The following COG5 variants were observed in gnomAD, a reference collection of about 807,000 sequenced individuals.
The protein encoded by COG5 is conserved oligomeric Golgi complex subunit 5.
In COG5, 86 loss-of-function variants were observed where a neutral mutation model predicts 110.4. The observed-to-expected ratio is 0.78, with a 90% CI of 0.65 to 0.93. The LOEUF is 0.93. COG5 is among the 40% of genes least tolerant of loss of function. The pLI, the probability that COG5 is intolerant of heterozygous loss-of-function variation, is 0.00. For synonymous variants in COG5, 360 were observed against 334.6 expected, an observed-to-expected ratio of 1.08 and a Z score of -0.83; for missense variants, 1,077 against 987.0, an observed-to-expected ratio of 1.09 and a Z score of -1.22.
intron 12 of COG5, among the ~76,000 whole-genome samples, chr7:107,292,868 G>A (rs1352165334): frequency 6.6e-6 from 1 of 152,174 alleles, no homozygotes; most frequent in Non-Finnish European, 1.5e-5. Flanking sequence ...TATGTCTTTA[G>A]ATAAATGCAC....
intron 6 of COG5, among the ~76,000 whole-genome samples, chr7:107,524,042 T>A (rs970819136): frequency 1.3e-5 from 2 of 152,180 alleles, no homozygotes; most frequent in African/African-American, 4.8e-5. Flanking sequence ...CAACTGTCCA[T>A]CAGCATGTAA....
intron 6 of COG5, among the ~76,000 whole-genome samples, chr7:107,520,920 C>T (rs917792508): frequency 2.0e-5 from 3 of 152,184 alleles, no homozygotes; most frequent in Non-Finnish European, 4.4e-5. Context: ...GTAACCAAAA[C>T]AGCATGGTCC....
chr7:107,520,858 C>G (rs995523235), intron 6 of COG5, among the ~76,000 whole-genome samples: 1 of 152,066 alleles, frequency 6.6e-6, no homozygotes, highest in Non-Finnish European at 1.5e-5. Flanking sequence ...GCAAAAGGAA[C>G]AAAACTGGAG....
intron 6 of COG5, among the ~76,000 whole-genome samples, chr7:107,518,706 T>C (rs1036521982): frequency 8.5e-5 from 13 of 152,112 alleles, no homozygotes; most frequent in African/African-American, 3.1e-4. Context: ...CACACAGTAA[T>C]AGTGGGAGAC....
rs1046735431 is a variant in COG5 at position 107,342,940 on chromosome 7, C to T, written c.1027-18419G>A. 6.6e-5 allele frequency among the ~76,000 whole-genome samples: 10 copies of T among 152,172 alleles called. No individual in the cohort carries two copies. The South Asian group carries it at 8.3e-4, about 13-fold the overall frequency. ...CTTGTATGTTCATCATAGTGCTATT[C>T]GCAATAGCAAAGACAGAGAATCAAC... On this transcript the variant is annotated intron_variant, in intron 10 of 21. Coordinates refer to ENST00000297135, the MANE Select transcript of COG5 (RefSeq NM_006348.5).
At chr7:107,506,078 T>C (rs1798974031) in intron 6 of COG5, among the ~76,000 whole-genome samples, 1 of 152,186 alleles carries the variant, frequency 6.6e-6, no homozygotes, top group East Asian at 1.9e-4. Flanking sequence ...GAAAAGGTTA[T>C]GTGGACAGAC....
chr7:107,270,628 T>TACACACACAC (rs112944834), intron 14 of COG5, among the ~76,000 whole-genome samples: 12 of 150,712 alleles, frequency 8.0e-5, no homozygotes, highest in African/African-American at 2.9e-4. Context: ...AAAGATGTTA[T>TACACACACAC]ACACACACAC....
intron 19 of COG5, among the ~76,000 whole-genome samples, chr7:107,222,440 G>A (rs1406477476): frequency 1.3e-5 from 2 of 152,058 alleles, no homozygotes; most frequent in African/African-American, 2.4e-5. Flanking sequence ...TCCTAACCTC[G>A]TGATCCGCCC....
chr7:107,247,609 A>G (rs1048720477), intron 17 of COG5, among the ~76,000 whole-genome samples: 3 of 152,210 alleles, frequency 2.0e-5, no homozygotes, highest in African/African-American at 7.2e-5. Flanking sequence ...TTTAGCTTTA[A>G]TGTGGTTAAG....
chr7:107,265,317 T>C (rs1303478566), intron 14 of COG5, among the ~76,000 whole-genome samples: 4 of 152,182 alleles, frequency 2.6e-5, no homozygotes, highest in Non-Finnish European at 4.4e-5. Flanking sequence ...TCTCCCTCTG[T>C]CACGCAGGCT....
chr7:107,509,261 G>C (rs4610672), intron 6 of COG5, among the ~76,000 whole-genome samples: 1 of 152,094 alleles, frequency 6.6e-6, no homozygotes, highest in South Asian at 2.1e-4. Context: ...CAGAAGCCTC[G>C]GGAGCTGATG....
At chr7:107,258,628 C>A in intron 14 of COG5, 1 of 544,502 alleles carries the variant, frequency 1.8e-6, no homozygotes, top group Non-Finnish European at 3.3e-6. Context: ...ATTGGTCTTG[C>A]ACGGGAAGAA....
At chr7:107,511,604 T>A (rs533074185) in intron 6 of COG5, among the ~76,000 whole-genome samples, 1 of 152,292 alleles carries the variant, frequency 6.6e-6, no homozygotes, top group East Asian at 1.9e-4. Context: ...AAAGAGAGTT[T>A]TAGACCAATA....
intron 10 of COG5, among the ~76,000 whole-genome samples, chr7:107,349,733 A>G (rs1400257955): frequency 6.6e-6 from 1 of 151,778 alleles, no homozygotes; most frequent in Non-Finnish European, 1.5e-5. Flanking sequence ...AATTTTTTGT[A>G]TTTTCAGTAG....
intron 7 of COG5, among the ~76,000 whole-genome samples, chr7:107,389,778 C>T (rs897196951): frequency 6.6e-6 from 1 of 152,124 alleles, no homozygotes; most frequent in Admixed American, 6.5e-5. Flanking sequence ...ATATCTCAGA[C>T]CCCAAGTAAA....
intron 6 of COG5, among the ~76,000 whole-genome samples, chr7:107,468,045 C>T (rs1490376072): frequency 6.6e-6 from 1 of 151,968 alleles, no homozygotes; most frequent in African/African-American, 2.4e-5. Context: ...CAAAGTTGAC[C>T]CAAAGGATGT....
chr7:107,487,203 A>C (rs1473956631), intron 6 of COG5, among the ~76,000 whole-genome samples: 1 of 152,192 alleles, frequency 6.6e-6, no homozygotes, highest in East Asian at 1.9e-4. Context: ...ATAGTTACAA[A>C]CCAACATGGC....
At chr7:107,275,762 G>A (rs962007279) in intron 14 of COG5, among the ~76,000 whole-genome samples, 6 of 151,366 alleles carry the variant, frequency 4.0e-5, no homozygotes, top group Non-Finnish European at 8.8e-5. Context: ...GACCTGAGGT[G>A]ATCTGCCCAC....
chr7:107,465,481 C>A (rs1048552310), intron 6 of COG5, among the ~76,000 whole-genome samples: 4 of 152,098 alleles, frequency 2.6e-5, no homozygotes, highest in Non-Finnish European at 4.4e-5. Context: ...ATACTATGTT[C>A]ATAAGTTAGA....
Sources: allele counts gnomAD v4.1 joint callset (sites outside exome capture counted in the v4.1 genomes callset), GRCh38; gene constraint gnomAD v4.1.1; transcripts MANE v1.5; gene names NCBI Gene and HGNC (gene_info 2026-07-23, HGNC 2026-07-21).